Variants in MIR17HG observed in about 807,000 individuals in gnomAD.
The protein encoded by MIR17HG is miR-17-92a-1 cluster host gene.
At chr13:91,351,316 T>C (rs767623695) in intron 3 of MIR17HG, 3 of 532,130 alleles carry the variant, frequency 5.6e-6, no homozygotes, top group South Asian at 4.2e-5. Context: ...TCAAACCCCT[T>C]TCTACACAGG....
intron 1 of MIR17HG, among the ~76,000 whole-genome samples, chr13:91,348,327 G>C (rs1875073421): frequency 6.6e-6 from 1 of 150,546 alleles, no homozygotes; most frequent in South Asian, 2.1e-4. Flanking sequence ...TGCCTTCTCC[G>C]GGGCCCGGGG....
At chr13:91,350,050 T>A (rs1490156229) in intron 2 of MIR17HG, 1 of 153,706 alleles carries the variant, frequency 6.5e-6, no homozygotes, top group Admixed American at 6.4e-5. Context: ...AAAGTAGATA[T>A]AACCTGAGAT....
exon 1 of MIR17HG, chr13:91,347,845 GCCGGCC>G (rs2138686415): frequency 6.6e-6 from 1 of 150,862 alleles, no homozygotes; most frequent in East Asian, 2.0e-4. Flanking sequence ...GGGCGGGCCG[GCCGGCC>G]GCACCCCCGG....
intron 3 of MIR17HG, among the ~76,000 whole-genome samples, chr13:91,353,435 GGT>G (rs371184010): frequency 6.6e-6 from 1 of 152,134 alleles, no homozygotes; most frequent in African/African-American, 2.4e-5. Flanking sequence ...AGTGATCTGT[GGT>G]TCTATAGGGT....
intron 1 of MIR17HG, among the ~76,000 whole-genome samples, chr13:91,349,227 G>T (rs1051431936): frequency 2.0e-5 from 3 of 152,186 alleles, no homozygotes; most frequent in Non-Finnish European, 1.5e-5. Context: ...AAAAGGAACT[G>T]AAAAAGGCAG....
chr13:91,350,493 G>GA, intron 3 of MIR17HG: 1 of 488,766 alleles, frequency 2.0e-6, no homozygotes, highest in Non-Finnish European at 4.2e-6. Context: ...GGATTATGCT[G>GA]AATTTGTATG....
intron 1 of MIR17HG, among the ~76,000 whole-genome samples, chr13:91,349,538 T>G (rs1335374777): frequency 6.6e-6 from 1 of 152,176 alleles, no homozygotes; most frequent in African/African-American, 2.4e-5. Flanking sequence ...ATTATTGGGC[T>G]TTTAAATCCT....
At chr13:91,349,947 A>G (rs1404362951) in intron 2 of MIR17HG, 2 of 152,288 alleles carry the variant, frequency 1.3e-5, no homozygotes, top group East Asian at 1.9e-4. Context: ...TTAAGGTAGT[A>G]AAATTACAGT....
chr13:91,348,509 G>A (rs948826165), intron 1 of MIR17HG, among the ~76,000 whole-genome samples: 2 of 151,376 alleles, frequency 1.3e-5, no homozygotes, highest in African/African-American at 2.4e-5. Flanking sequence ...GTGGGCGGGA[G>A]CCCGCGGTTC....
chr13:91,353,338 T>G (rs997897204), intron 3 of MIR17HG, among the ~76,000 whole-genome samples: 11 of 152,184 alleles, frequency 7.2e-5, no homozygotes, highest in African/African-American at 2.7e-4. Flanking sequence ...CTAGTATTCA[T>G]TGTGTTCAGA....
chr13:91,353,087 G>A (rs1419645447), intron 3 of MIR17HG, among the ~76,000 whole-genome samples: 1 of 140,120 alleles, frequency 7.1e-6, no homozygotes, highest in African/African-American at 2.7e-5. Flanking sequence ...TCCAGCCTGG[G>A]CGCAAGACCA....
chr13:91,348,014 G>A (rs1278532156), intron 1 of MIR17HG: 1 of 151,608 alleles, frequency 6.6e-6, no homozygotes, highest in African/African-American at 2.4e-5. Context: ...TGCGGCCCGG[G>A]TCTGGCGGGC....
chr13:91,348,791 C>T (rs1024550316), intron 1 of MIR17HG, among the ~76,000 whole-genome samples: 3 of 150,052 alleles, frequency 2.0e-5, no homozygotes, highest in East Asian at 2.0e-4. Context: ...TCCTGCGGGG[C>T]GGGCTGCACG....
At chr13:91,348,305 G>T (rs528192162) in intron 1 of MIR17HG, among the ~76,000 whole-genome samples, 1 of 150,670 alleles carries the variant, frequency 6.6e-6, no homozygotes, top group Non-Finnish European at 1.5e-5. Context: ...GGGAGAGGAC[G>T]TGCGAGGCCC....
At chr13:91,352,105 G>A (rs547877840) in intron 3 of MIR17HG, 1 of 152,234 alleles carries the variant, frequency 6.6e-6, no homozygotes, top group Admixed American at 6.5e-5. Flanking sequence ...CAGCGGTGGG[G>A]TGAGATTCAG....
chr13:91,353,910 CTT>C (rs1259448018), intron 3 of MIR17HG: 2 of 152,190 alleles, frequency 1.3e-5, no homozygotes, highest in South Asian at 4.2e-4. Flanking sequence ...TTACTGAAAA[CTT>C]TTGAGATCTT....
intron 3 of MIR17HG, chr13:91,350,296 TTTG>T (rs1334809997): frequency 5.0e-6 from 1 of 201,392 alleles, no homozygotes; most frequent in African/African-American, 2.3e-5. Flanking sequence ...CTCATTTTGT[TTTG>T]TTTTTTTTCT....
At chr13:91,349,669 T>A (rs889766136) in intron 1 of MIR17HG, 1 of 152,088 alleles carries the variant, frequency 6.6e-6, no homozygotes, top group Non-Finnish European at 1.5e-5. Flanking sequence ...ATGTTTTATC[T>A]TTTTTTTCCT....
At chr13:91,354,034 T>G (rs569729666) in exon 4 of MIR17HG, 1 of 152,736 alleles carries the variant, frequency 6.5e-6, no homozygotes, top group Admixed American at 6.5e-5. Flanking sequence ...GGAGAACAAC[T>G]CAGTGTCACA....
Sources: allele counts gnomAD v4.1 joint callset (sites outside exome capture counted in the v4.1 genomes callset), GRCh38; gene constraint gnomAD v4.1.1; transcripts MANE v1.5; gene names NCBI Gene and HGNC (gene_info 2026-07-23, HGNC 2026-07-21).